HECW2: variants seen among roughly 807,000 people sequenced by gnomAD.
HECW2 encodes E3 ubiquitin-protein ligase HECW2.
HECW2 carries 61 observed loss-of-function variants against 175.2 expected under a neutral mutation model. That is an observed-to-expected ratio of 0.35 (90% CI 0.28 to 0.43). The LOEUF (loss-of-function observed/expected upper bound fraction) is 0.43, where lower values mean the gene tolerates loss of function less well. Ranked by LOEUF, HECW2 falls within the 20% of genes least tolerant of loss-of-function variation. The pLI is 1.00. For missense variants in HECW2, 1,524 were observed against 2,000.5 expected (o/e 0.76, Z 4.54); for synonymous variants, 671 against 731.0 (o/e 0.92, Z 1.32).
intron 2 of HECW2, among the ~76,000 whole-genome samples, chr2:196,426,668 G>A (rs1695556378): frequency 1.3e-5 from 2 of 152,056 alleles, no homozygotes; most frequent in African/African-American, 4.8e-5. Context: ...GTACTTAACA[G>A]TTGGGAAATA....
In HECW2 at chr2:196,331,077, T is replaced by G. The variant is rs560640526; in HGVS notation, c.496-1427A>C. On this transcript the variant is annotated intron_variant, in intron 4 of 28. Transcript: ENST00000644978. The stretch of plus-strand genomic sequence containing the variant: ...CAAATTTTGAAGTATAAATTTCTAC[T>G]GCCTCCGCTGTAACTCCTGTACCTT... The G allele has an allele frequency of 8.2e-6, 7 of 853,770 alleles. No homozygotes were observed. In the East Asian group the frequency reaches 8.6e-4, roughly 104 times the overall value. The allele number at this position is 853,770 out of a possible 1,614,324, so 52.9% of individuals were successfully genotyped here.
intron 6 of HECW2, among the ~76,000 whole-genome samples, chr2:196,322,945 T>A (rs569625448): frequency 1.3e-5 from 2 of 152,372 alleles, no homozygotes; most frequent in South Asian, 4.1e-4. Flanking sequence ...CCTACATTTA[T>A]TGTATCTCAA....
chr2:196,409,971 A>G (rs1205235337), intron 2 of HECW2, among the ~76,000 whole-genome samples: 1 of 152,216 alleles, frequency 6.6e-6, no homozygotes, highest in Non-Finnish European at 1.5e-5. Context: ...CTGGTTTGGT[A>G]GAGTTTGGGG....
chr2:196,496,112 T>TTTC (rs1210812945), intron 1 of HECW2, among the ~76,000 whole-genome samples: 2 of 152,170 alleles, frequency 1.3e-5, no homozygotes, highest in Admixed American at 1.3e-4. Context: ...GAGTTTTCAA[T>TTTC]AAGTACAGAG....
intron 1 of HECW2, among the ~76,000 whole-genome samples, chr2:196,555,068 GGATA>G (rs1481891926): frequency 5.9e-5 from 9 of 151,932 alleles, no homozygotes; most frequent in Non-Finnish European, 1.2e-4. Flanking sequence ...CTGAGAATAA[GGATA>G]AATATGGCCT....
intron 13 of HECW2, among the ~76,000 whole-genome samples, chr2:196,298,176 T>C (rs1690890406): frequency 6.6e-6 from 1 of 152,246 alleles, no homozygotes; most frequent in African/African-American, 2.4e-5. Context: ...TAATGAAATA[T>C]ATTTATGTAT....
intron 2 of HECW2, among the ~76,000 whole-genome samples, chr2:196,421,547 A>T (rs1447402817): frequency 4.6e-5 from 7 of 152,208 alleles, no homozygotes; most frequent in Non-Finnish European, 7.4e-5. Flanking sequence ...AATTATAACA[A>T]ACACGATAAA....
At chr2:196,301,351 T>A (rs1222734792) in intron 13 of HECW2, among the ~76,000 whole-genome samples, 1 of 152,204 alleles carries the variant, frequency 6.6e-6, no homozygotes, top group Non-Finnish European at 1.5e-5. Flanking sequence ...TGTTCACGTA[T>A]CTTTATAATA....
intron 1 of HECW2, among the ~76,000 whole-genome samples, chr2:196,435,095 T>C (rs1695832399): frequency 1.3e-5 from 2 of 152,256 alleles, no homozygotes; most frequent in African/African-American, 2.4e-5. Flanking sequence ...CTTTGAGCAC[T>C]ATCTCTTGAA....
At chr2:196,575,267 T>C (rs918139765) in intron 1 of HECW2, among the ~76,000 whole-genome samples, 2 of 151,546 alleles carry the variant, frequency 1.3e-5, no homozygotes, top group Non-Finnish European at 1.5e-5. Context: ...AAAAAGACAA[T>C]ATTGGCAAGA....
chr2:196,256,846 C>T (rs1689075523), intron 18 of HECW2, among the ~76,000 whole-genome samples: 1 of 152,226 alleles, frequency 6.6e-6, no homozygotes, highest in Non-Finnish European at 1.5e-5. Flanking sequence ...TATTCAGAGT[C>T]AACTGAAGTG....
At chr2:196,575,149 T>C (rs974395531) in intron 1 of HECW2, among the ~76,000 whole-genome samples, 2 of 125,804 alleles carry the variant, frequency 1.6e-5, no homozygotes, top group Non-Finnish European at 1.7e-5. Context: ...AAAAATACAA[T>C]TGGCCAACGT....
intron 2 of HECW2, among the ~76,000 whole-genome samples, chr2:196,429,468 A>C (rs1695645125): frequency 6.6e-6 from 1 of 152,174 alleles, no homozygotes; most frequent in African/African-American, 2.4e-5. Flanking sequence ...AAATGGCTAG[A>C]GGGGAAAATT....
At chr2:196,550,098 C>T (rs548179745) in intron 1 of HECW2, among the ~76,000 whole-genome samples, 34 of 152,310 alleles carry the variant, frequency 2.2e-4, no homozygotes, top group South Asian at 1.7e-3. Flanking sequence ...GCTTCTTGAT[C>T]GATTCAACTT....
Position 196,201,197 on chromosome 2 carries a change from A to G in HECW2, c.*80T>C, listed in dbSNP as rs1054595956. On this transcript the variant is annotated 3_prime_UTR_variant, in exon 29 of 29. Transcript: ENST00000644978. ...TATCCTAAAGGAAGCATCCTCTTGA[A>G]ACTTCCAATGTTCAATCATTCTTCT... 1.7e-4 allele frequency: 158 copies of G among 930,164 alleles called. 1 individual carries two copies. Among genetic ancestry groups the G allele is most frequent in the Non-Finnish European group, 2.5e-4 (142 of 559,468 alleles). 57.6% of individuals were successfully genotyped at this position (930,164 alleles called of 1,614,324 possible).
intron 2 of HECW2, among the ~76,000 whole-genome samples, chr2:196,388,713 T>TAATTTTCA (rs1174430241): frequency 6.6e-6 from 1 of 152,216 alleles, no homozygotes; most frequent in Admixed American, 6.5e-5. Context: ...ATCATATGCA[T>TAATTTTCA]AATTTTCAAT....
intron 2 of HECW2, among the ~76,000 whole-genome samples, chr2:196,367,076 T>C (rs1485709584): frequency 1.3e-5 from 2 of 152,216 alleles, no homozygotes; most frequent in Non-Finnish European, 2.9e-5. Context: ...TAATATACCC[T>C]GGAGATGCTC....
chr2:196,520,503 G>C (rs1262904319), intron 1 of HECW2, among the ~76,000 whole-genome samples: 1 of 152,160 alleles, frequency 6.6e-6, no homozygotes, highest in Non-Finnish European at 1.5e-5. Flanking sequence ...GAAATTCATA[G>C]GGCTTTTAAG....
intron 17 of HECW2, among the ~76,000 whole-genome samples, chr2:196,267,667 T>C (rs145698564): frequency 3.7e-4 from 56 of 152,266 alleles, no homozygotes; most frequent in Non-Finnish European, 6.8e-4. Flanking sequence ...CATAGCCACA[T>C]AGACAGGAAG....
Sources: gnomAD v4.1 joint callset for allele counts (sites outside exome capture counted in the v4.1 genomes callset) on GRCh38, gnomAD v4.1.1 for gene constraint, MANE v1.5 for transcripts, NCBI Gene and HGNC (gene_info 2026-07-23, HGNC 2026-07-21) for gene names.